SNTB1: variants seen among roughly 807,000 people sequenced by gnomAD.
SNTB1 encodes the protein beta-1-syntrophin.
In SNTB1, 36 loss-of-function variants were observed where a neutral mutation model predicts 48.9. The observed-to-expected ratio is 0.74, with a 90% CI of 0.56 to 0.97. The LOEUF (loss-of-function observed/expected upper bound fraction) is 0.97, where lower values mean the gene tolerates loss of function less well. Ranked by LOEUF, SNTB1 falls within the 50% of genes least tolerant of loss-of-function variation. The pLI is 0.00. For synonymous variants in SNTB1, 299 were observed against 294.6 expected, an observed-to-expected ratio of 1.01 and a Z score of -0.15; for missense variants, 786 against 703.4, an observed-to-expected ratio of 1.12 and a Z score of -1.33.
At chr8:120,597,356 T>C (rs116670672) in intron 3 of SNTB1, among the ~76,000 whole-genome samples, 2,923 of 152,348 alleles carry the variant, frequency 0.019, 96 homozygotes, top group African/African-American at 0.066. Flanking sequence ...GGGTTTGTGA[T>C]AATTTGCTAT....
intron 2 of SNTB1, among the ~76,000 whole-genome samples, chr8:120,683,716 G>T (rs1037691849): frequency 1.3e-5 from 2 of 152,144 alleles, no homozygotes; most frequent in Non-Finnish European, 2.9e-5. Flanking sequence ...GTCTGTGAAA[G>T]AATGTCTTAC....
chr8:120,666,382 T>C (rs1817673630), intron 2 of SNTB1, among the ~76,000 whole-genome samples: 1 of 152,242 alleles, frequency 6.6e-6, no homozygotes, highest in African/African-American at 2.4e-5. Flanking sequence ...TTTATTTCAG[T>C]ACTTGGAAAA....
chr8:120,692,476 A>T (rs1367520409), intron 2 of SNTB1, among the ~76,000 whole-genome samples: 1 of 151,964 alleles, frequency 6.6e-6, no homozygotes, highest in Admixed American at 6.6e-5. Context: ...CGCTTTCTTT[A>T]TTTCTCTTAT....
intron 2 of SNTB1, among the ~76,000 whole-genome samples, chr8:120,671,200 G>T (rs1357107744): frequency 1.3e-5 from 2 of 152,012 alleles, no homozygotes; most frequent in Non-Finnish European, 2.9e-5. Context: ...CCCTATATAA[G>T]TCTTATTTTT....
chr8:120,737,825 C>T (rs1314836923), intron 1 of SNTB1, among the ~76,000 whole-genome samples: 1 of 152,106 alleles, frequency 6.6e-6, no homozygotes, highest in Non-Finnish European at 1.5e-5. Flanking sequence ...CTTCTTAGGT[C>T]TCCTAAGAAG....
At chr8:120,713,662 G>A (rs1044416095) in intron 1 of SNTB1, among the ~76,000 whole-genome samples, 6 of 152,154 alleles carry the variant, frequency 3.9e-5, no homozygotes, top group Admixed American at 1.3e-4. Flanking sequence ...CCTGGGAGGC[G>A]AAGCTTGCAG....
Position 120,580,907 on chromosome 8 carries a change from C to T in SNTB1, c.997-5682G>A, listed in dbSNP as rs144825288. Among the ~76,000 whole-genome samples the T allele has an allele frequency of 6.7e-3, 1,025 of 151,996 alleles. 12 individuals carry two copies. The highest frequency in any genetic ancestry group is 0.023 in the African/African-American group (961 of 41,440). On this transcript the variant is annotated intron_variant, in intron 3 of 6. Transcript: ENST00000517992. ...AGCTTGCCCTGAACAATCCCCAGGA[C>T]CCAGGAATCAGGAGTCAGACAAGAC...
At chr8:120,692,442 T>G (rs550095331) in intron 2 of SNTB1, among the ~76,000 whole-genome samples, 87 of 152,240 alleles carry the variant, frequency 5.7e-4, no homozygotes, top group African/African-American at 2.0e-3. Context: ...TCACTAAGAT[T>G]CCCCATTTGC....
intron 1 of SNTB1, among the ~76,000 whole-genome samples, chr8:120,700,147 A>G (rs969841139): frequency 5.7e-5 from 8 of 140,696 alleles, no homozygotes; most frequent in Non-Finnish European, 9.1e-5. Context: ...TCGCTCTGAA[A>G]AAAAATTGCG....
chr8:120,659,175 G>A (rs146093649), intron 2 of SNTB1, among the ~76,000 whole-genome samples: 2,573 of 152,192 alleles, frequency 0.017, 94 homozygotes, highest in African/African-American at 0.058. Flanking sequence ...TGTTGGGCAG[G>A]CTGGTCTCAA....
intron 4 of SNTB1, among the ~76,000 whole-genome samples, chr8:120,555,238 A>C (rs555340388): frequency 1.3e-5 from 2 of 152,326 alleles, no homozygotes; most frequent in South Asian, 4.1e-4. Context: ...TTTAATAGGT[A>C]GAAGAGAAAG....
intron 2 of SNTB1, among the ~76,000 whole-genome samples, chr8:120,655,397 G>A (rs1055527841): frequency 6.6e-6 from 1 of 152,168 alleles, no homozygotes; most frequent in African/African-American, 2.4e-5. Flanking sequence ...TCCATGAAGA[G>A]GCAAACTCCA....
At chr8:120,584,438 CAAAAAAAA>C (rs11443743) in intron 3 of SNTB1, among the ~76,000 whole-genome samples, 3 of 57,078 alleles carry the variant, frequency 5.3e-5, no homozygotes, top group South Asian at 8.5e-4. Flanking sequence ...AACTCCATCT[CAAAAAAAA>C]AAAAAAAAAA....
chr8:120,601,856 C>T (rs185885735), intron 3 of SNTB1, among the ~76,000 whole-genome samples: 29 of 152,290 alleles, frequency 1.9e-4, no homozygotes, highest in Admixed American at 1.6e-3. Flanking sequence ...TTCAGTCATC[C>T]CGGGCTTGGC....
chr8:120,654,859 CA>C (rs1817472308), intron 2 of SNTB1: 1 of 402,854 alleles, frequency 2.5e-6, no homozygotes, highest in Admixed American at 3.4e-5. Flanking sequence ...CACAACCTGA[CA>C]ACAAAAGTTT....
intron 1 of SNTB1, among the ~76,000 whole-genome samples, chr8:120,701,678 A>G (rs1025497354): frequency 6.6e-6 from 1 of 152,202 alleles, no homozygotes; most frequent in Middle Eastern, 3.2e-3. Context: ...AGCATTATCT[A>G]GAAGAATCAT....
In SNTB1 at chr8:120,808,656, C is replaced by T. The variant is rs1201779253; in HGVS notation, c.571+2617G>A. On this transcript the variant is annotated intron_variant, in intron 1 of 6. Coordinates refer to ENST00000517992, the MANE Select transcript of SNTB1 (RefSeq NM_021021.4). ...GTCCAGCAGATTTCCTTATTCCCAT[C>T]TCGCGGATGAAGACACTGAGACTCA... Among the ~76,000 whole-genome samples, 7 of 152,170 alleles carry T rather than the reference C, an allele frequency of 4.6e-5. No individual in the cohort carries two copies. In the East Asian group the frequency reaches 1.3e-3, roughly 29 times the overall value.
At chr8:120,649,887 C>T (rs1186245935) in intron 2 of SNTB1, among the ~76,000 whole-genome samples, 16 of 152,150 alleles carry the variant, frequency 1.1e-4, no homozygotes, top group African/African-American at 3.9e-4. Flanking sequence ...TTTTTTAAGC[C>T]CCTCGGAAAA....
At chr8:120,730,360 T>C (rs1818831102) in intron 1 of SNTB1, among the ~76,000 whole-genome samples, 2 of 152,054 alleles carry the variant, frequency 1.3e-5, no homozygotes, top group Admixed American at 6.6e-5. Flanking sequence ...TAGAGTATTT[T>C]GTATTTTTAG....
Sources: gnomAD v4.1 joint callset for allele counts (sites outside exome capture counted in the v4.1 genomes callset) on GRCh38, gnomAD v4.1.1 for gene constraint, MANE v1.5 for transcripts, NCBI Gene and HGNC (gene_info 2026-07-23, HGNC 2026-07-21) for gene names.